Variants in APC2 observed in about 807,000 individuals in gnomAD.
The protein encoded by APC2 is adenomatous polyposis coli protein 2.
Under a neutral mutation model 72.5 loss-of-function variants are expected in APC2, and 41 were observed. That is an observed-to-expected ratio of 0.57 (90% CI 0.44 to 0.73). The LOEUF is 0.73. Ranked by LOEUF, APC2 falls within the 30% of genes least tolerant of loss-of-function variation. APC2 has a pLI of 0.00. For synonymous variants in APC2, 1,898 were observed against 1,612.0 expected, an observed-to-expected ratio of 1.18 and a Z score of -4.25; for missense variants, 3,729 against 3,403.4, an observed-to-expected ratio of 1.10 and a Z score of -2.38.
chr19:1,456,987 G>C lies in APC2; in HGVS notation c.951G>C (p.Leu317=). The C allele has an allele frequency of 6.5e-7, 1 of 1,536,420 alleles. No individual in the cohort carries two copies. Among genetic ancestry groups the C allele is most frequent in the South Asian group, 1.2e-5 (1 of 83,980 alleles). ...AMRRSGCLPL[L]LQILHGTEAA... ...GCCGCTCGGGCTGTCTGCCTCTGCTGCTGCAAATCCTCCACGGCACCGAGG... is the reference window on the plus strand; with the variant it reads ...GCCGCTCGGGCTGTCTGCCTCTGCTCCTGCAAATCCTCCACGGCACCGAGG... The change falls in exon 9 of 15, where the codon CTG becomes CTC. Residue 317 remains leucine (L), a synonymous_variant. Coordinates refer to ENST00000590469, the MANE Select transcript of APC2 (RefSeq NM_005883.3).
rs1446382066 is a variant in APC2, at chr19:1,471,806, CAGA to C, written c.*1596_*1598del. On this transcript the variant is annotated 3_prime_UTR_variant, in exon 15 of 15. Transcript: ENST00000590469. ...GCATGGGCAAGGCCAGCCTTTCTGG[CAGA>C]AGGAGCTGTCCTCAACTCAGGGCCG... The C allele has an allele frequency of 6.6e-6, 1 of 152,360 alleles. No homozygotes were observed. The highest frequency in any genetic ancestry group is 1.5e-5 in the Non-Finnish European group (1 of 68,120). 9.4% of individuals were successfully genotyped at this position (152,360 alleles called of 1,614,324 possible). A position where few individuals can be genotyped will look rare whatever the true frequency, so the allele number is the denominator to read the frequency against.
chr19:1,470,190 G>A lies in APC2; in HGVS notation c.6889G>A (p.Ala2297Thr). The A allele has an allele frequency of 1.3e-6, 2 of 1,599,152 alleles. No homozygotes were observed. The highest frequency in any genetic ancestry group is 1.7e-6 in the Non-Finnish European group (2 of 1,174,984). The stretch of plus-strand genomic sequence containing the variant: ...GGCCGCGGAGAAAGCCCCGGCCACT[G>A]CCTCCGCCACCCTCCTGGAATAGTG... ...DSAAEKAPATASATLLE is the reference protein window; with the variant it reads ...DSAAEKAPATTSATLLE The change falls in exon 15 of 15, where the codon GCC becomes ACC. Residue 2297 changes from alanine (A) to threonine (T), a missense_variant. Physicochemically the swap from Ala to Thr is moderately conservative, Grantham distance 58. Coordinates refer to ENST00000590469, the MANE Select transcript of APC2 (RefSeq NM_005883.3).
At position 1,465,684 on chromosome 19, in the gene APC2, G is replaced by A. The variant is rs2083997434; in HGVS notation, c.2383G>A (p.Glu795Lys). ...CCTGGCTGCGGCCGCGGCCACCGGGGAGCCAGCCAGCCCTGCCGCGCTGTC... is the reference window on the plus strand; with the variant it reads ...CCTGGCTGCGGCCGCGGCCACCGGGAAGCCAGCCAGCCCTGCCGCGCTGTC... ...SSLAAAAATG[E>K]PASPAALSLF... The change falls in exon 15 of 15, where the codon GAG (glutamate) becomes AAG (lysine). Residue 795 changes from glutamate to lysine, a missense_variant. Coordinates refer to ENST00000590469, the MANE Select transcript of APC2 (RefSeq NM_005883.3). 6.3e-7 allele frequency: 1 copy of A among 1,593,788 alleles called. No individual in the cohort carries two copies. Among genetic ancestry groups the A allele is most frequent in the Admixed American group, 1.7e-5 (1 of 57,790 alleles).
chr19:1,453,914 G>A lies in APC2; in HGVS notation c.413+303G>A, dbSNP rs539523790. On this transcript the variant is annotated intron_variant, in intron 4 of 14. Transcript: ENST00000590469. Reference sequence around the variant, plus strand: ...CAGGGGTCCGAGACACGCAGGCGTCGCCAGGGACCGGGCTGTGTCCGGTGC... The same window carrying A: ...CAGGGGTCCGAGACACGCAGGCGTCACCAGGGACCGGGCTGTGTCCGGTGC... Among the ~76,000 whole-genome samples the A allele has an allele frequency of 6.9e-4, 105 of 152,334 alleles. 1 individual carries two copies. The highest frequency in any genetic ancestry group is 2.4e-3 in the African/African-American group (100 of 41,580).
intron 13 of APC2, chr19:1,461,381 C>T: frequency 3.4e-6 from 2 of 584,120 alleles, no homozygotes; most frequent in Middle Eastern, 9.1e-4. Context: ...TCGAGACCAG[C>T]CTGGCCAACA....
chr19:1,465,542 G>A lies in APC2; in HGVS notation c.2241G>A (p.Pro747=), dbSNP rs760377606. ...QALEHLEKQG[P]PAAEAATKKP... ...TGGAGCACCTGGAGAAGCAGGGCCC[G>A]CCGGCAGCCGAGGCCGCCACTAAGA... Residue 747 remains proline (P), a synonymous_variant, in exon 15 of 15, where the codon CCG becomes CCA. Transcript: ENST00000590469. 8 of 1,532,314 alleles carry A rather than the reference G, an allele frequency of 5.2e-6. No individual in the cohort carries two copies. Among genetic ancestry groups the A allele is most frequent in the Middle Eastern group, 1.7e-4 (1 of 5,880 alleles). 94.9% of individuals were successfully genotyped at this position (1,532,314 alleles called of 1,614,324 possible). A position where few individuals can be genotyped will look rare whatever the true frequency, so the allele number is the denominator to read the frequency against.
chr19:1,452,891 C>A lies in APC2; in HGVS notation c.-18-93C>A. On this transcript the variant is annotated intron_variant, in intron 1 of 14. Transcript: ENST00000590469. This position sits in a 1 kb window ranked among gnomAD's most constrained non-coding sequence, Gnocchi z 5.1. ...CCCCCCAACCCAGGATCAGGCAGGA[C>A]GGCTGGGGCTTAGGTCAGGGGCCGT... is the stretch of plus-strand genomic sequence containing the variant. The A allele has an allele frequency of 9.8e-6, 14 of 1,434,612 alleles. No homozygotes were observed. The highest frequency in any genetic ancestry group is 1.0e-5 in the Non-Finnish European group (11 of 1,069,802). 88.9% of individuals were successfully genotyped at this position (1,434,612 alleles called of 1,614,324 possible). A position where few individuals can be genotyped will look rare whatever the true frequency, so the allele number is the denominator to read the frequency against.
At position 1,461,123 on chromosome 19, in the gene APC2, C is replaced by A. The variant is rs758339460; in HGVS notation, c.1608C>A (p.Ala536=). Residue 536 remains alanine (A), a synonymous_variant, in exon 13 of 15, where the codon GCC becomes GCA. Coordinates refer to ENST00000590469, the MANE Select transcript of APC2 (RefSeq NM_005883.3). ...TGAGGGAGGCGGGCAGCGTGACTGC[C>A]CTGGTGCAGTGTGTCCTGCGGGCCA... ...KVLREAGSVT[A]LVQCVLRATK... 1.9e-6 allele frequency: 3 copies of A among 1,612,314 alleles called. No homozygotes were observed. The African/African-American group carries it at 4.0e-5, about 21-fold the overall frequency.
rs2084122674 is a variant in APC2 at position 1,470,849 on chromosome 19, G to C, written c.*636G>C. The C allele has an allele frequency of 6.6e-6, 1 of 152,262 alleles. No homozygotes were observed. Among genetic ancestry groups the C allele is most frequent in the Non-Finnish European group, 1.5e-5 (1 of 68,050 alleles). The allele number at this position is 152,262 out of a possible 1,614,324, so 9.4% of individuals were successfully genotyped here. A position where few individuals can be genotyped will look rare whatever the true frequency, so the allele number is the denominator to read the frequency against. ...CGCCCAGACGGTGTTCAGGGAACCC[G>C]GAGCCCAAGCGCTCCGGCGGAGCCC... On this transcript the variant is annotated 3_prime_UTR_variant, in exon 15 of 15. Coordinates refer to ENST00000590469, the MANE Select transcript of APC2 (RefSeq NM_005883.3).
chr19:1,468,917 C>T lies in APC2; in HGVS notation c.5616C>T (p.Pro1872=), dbSNP rs760492795. ...CGCCCGCCCGCCTCGCCAAGACCCC[C>T]TCCTCCAGCTCCTCCCAGACCTCGC... The part of the protein sequence containing the change: ...ATPPARLAKT[P]SSSSSQTSPA... Residue 1872 remains proline, a synonymous_variant, in exon 15 of 15, where the codon CCC becomes CCT. Coordinates refer to ENST00000590469, the MANE Select transcript of APC2 (RefSeq NM_005883.3). 2 of 1,529,466 alleles carry T rather than the reference C, an allele frequency of 1.3e-6. No individual in the cohort carries two copies. Among genetic ancestry groups the T allele is most frequent in the Admixed American group, 1.9e-5 (1 of 51,516 alleles). The allele number at this position is 1,529,466 out of a possible 1,614,324, so 94.7% of individuals were successfully genotyped here.
At chr19:1,457,803 A>G (rs2083858744) in intron 9 of APC2, 162 bp from the exon 10 acceptor site, 4 of 654,416 alleles carry the variant, frequency 6.1e-6, no homozygotes, top group Non-Finnish European at 1.1e-5. Context: ...CCACCCCATC[A>G]TCCCATCTTA....
intron 9 of APC2, chr19:1,457,452 G>C: frequency 1.5e-6 from 1 of 678,384 alleles, no homozygotes; most frequent in Non-Finnish European, 2.3e-6. Context: ...AAACGCTCGG[G>C]AAGTCGCTGA....
At position 1,457,208 on chromosome 19, in the gene APC2, G is replaced by C. The variant is rs372652826; in HGVS notation, c.1172G>C (p.Arg391Pro). 2 of 1,549,468 alleles carry C rather than the reference G, an allele frequency of 1.3e-6. No individual in the cohort carries two copies. Among genetic ancestry groups the C allele is most frequent in the Non-Finnish European group, 1.7e-6 (2 of 1,150,572 alleles). Residue 391 changes from arginine to proline, a missense_variant, in exon 9 of 15, where the codon CGA becomes CCA. Physicochemically the swap from Arg to Pro is moderately radical, Grantham distance 103. Transcript: ENST00000590469. Reference protein sequence around the residue: ...CETCWDWLQARDGGPEGGGAG... With the variant: ...CETCWDWLQAPDGGPEGGGAG... ...ACCTGCTGGGACTGGCTGCAGGCCC[G>C]AGACGGCGGGCCCGAGGGAGGTGGC...
At chr19:1,461,007 CCCA>C (rs2083914168) in intron 12 of APC2, 27 bp from the exon 13 acceptor site, 4 of 1,610,812 alleles carry the variant, frequency 2.5e-6, no homozygotes, top group African/African-American at 1.3e-5. Flanking sequence ...GGACCCTAGT[CCCA>C]CCACACTTGC....
Position 1,459,154 on chromosome 19 carries a change from T to C in APC2, c.1304-1027T>C, listed in dbSNP as rs182365923. 1.6e-3 allele frequency among the ~76,000 whole-genome samples: 249 copies of C among 152,290 alleles called. 1 individual carries two copies. The highest frequency in any genetic ancestry group is 1.5e-3 in the East Asian group (8 of 5,178). On this transcript the variant is annotated intron_variant, in intron 10 of 14. Transcript: ENST00000590469. ...TCATTTTATGCCTGGCGTCTCCCAC[T>C]GAGCGTGACATCCTCAAGGTGCACC...
chr19:1,466,086 A>G lies in APC2; in HGVS notation c.2785A>G (p.Ser929Gly). The change falls in exon 15 of 15, where the codon AGC becomes GGC. Residue 929 changes from serine to glycine, a missense_variant. Coordinates refer to ENST00000590469, the MANE Select transcript of APC2 (RefSeq NM_005883.3). ...HASLSNDSLN[S>G]GSASDGYCPR... ...CAGCCTCTCCAACGACAGCCTCAAC[A>G]GCGGCAGTGCCAGCGACGGGTACTG... 2.0e-6 allele frequency: 3 copies of G among 1,533,008 alleles called. No homozygotes were observed. The highest frequency in any genetic ancestry group is 1.2e-5 in the South Asian group (1 of 82,134). The allele number at this position is 1,533,008 out of a possible 1,614,324, so 95.0% of individuals were successfully genotyped here. A position where few individuals can be genotyped will look rare whatever the true frequency, so the allele number is the denominator to read the frequency against.
intron 14 of APC2, 147 bp downstream of exon 14, chr19:1,462,324 C>A: frequency 1.4e-6 from 1 of 738,026 alleles, no homozygotes; most frequent in Admixed American, 2.9e-5. Flanking sequence ...CCAAATACTG[C>A]GTGAGATATA....
rs2084082995 is a variant in APC2, at chr19:1,469,073, G to C, written c.5772G>C (p.Gln1924His). The change falls in exon 15 of 15, where the codon CAG (glutamine) becomes CAC (histidine). Residue 1924 changes from glutamine to histidine, a missense_variant. Physicochemically the swap from Gln to His is conservative, Grantham distance 24. Transcript: ENST00000590469. The part of the protein sequence containing the change: ...RTLLAKQHKT[Q>H]RSPVRIPFMQ... ...TTCTGGCGAAGCAGCACAAGACGCAGAGATCGCCCGTGCGGATCCCGTTCA... is the reference window on the plus strand; with the variant it reads ...TTCTGGCGAAGCAGCACAAGACGCACAGATCGCCCGTGCGGATCCCGTTCA... The C allele has an allele frequency of 6.6e-7, 1 of 1,515,048 alleles. No individual in the cohort carries two copies. The highest frequency in any genetic ancestry group is 8.8e-7 in the Non-Finnish European group (1 of 1,131,534). 93.9% of individuals were successfully genotyped at this position (1,515,048 alleles called of 1,614,324 possible). A position where few individuals can be genotyped will look rare whatever the true frequency, so the allele number is the denominator to read the frequency against.
Position 1,470,006 on chromosome 19 carries a change from C to T in APC2, c.6705C>T (p.Leu2235=). ...GCAGCGACGTGGACGGTCCCAGCCT[C>T]GCCAAGGCTCCCATCTCCGCACCCT... The part of the protein sequence containing the change: ...LLGSDVDGPS[L]AKAPISAPFV... The change falls in exon 15 of 15, where the codon CTC becomes CTT. Residue 2235 remains leucine, a synonymous_variant. Transcript: ENST00000590469. The T allele has an allele frequency of 6.5e-7, 1 of 1,543,212 alleles. No homozygotes were observed. Among genetic ancestry groups the T allele is most frequent in the Non-Finnish European group, 8.7e-7 (1 of 1,150,090 alleles).
Sources: allele counts gnomAD v4.1 joint callset (sites outside exome capture counted in the v4.1 genomes callset), GRCh38; gene constraint gnomAD v4.1.1; non-coding constraint Gnocchi (gnomAD v3.1); transcripts MANE v1.5; gene names NCBI Gene and HGNC (gene_info 2026-07-23, HGNC 2026-07-21).